PDE10A: variants seen among roughly 807,000 people sequenced by gnomAD.
PDE10A encodes the protein phosphodiesterase 10A, also known as cAMP and cAMP-inhibited cGMP 3',5'-cyclic phosphodiesterase 10A.
PDE10A carries 39 observed loss-of-function variants against 97.7 expected under a neutral mutation model. That is an observed-to-expected ratio of 0.40 (90% CI 0.31 to 0.52). The LOEUF (loss-of-function observed/expected upper bound fraction) is 0.52, where lower values mean the gene tolerates loss of function less well. PDE10A is among the 20% of genes least tolerant of loss of function. The probability of loss-of-function intolerance (pLI) is 0.56; values close to 1 mark genes in which losing one functional copy is unlikely to be tolerated. For missense variants in PDE10A, 731 were observed against 1,047.8 expected, an observed-to-expected ratio of 0.70 and a Z score of 4.17; for synonymous variants, 371 against 376.8, an observed-to-expected ratio of 0.98 and a Z score of 0.18.
At chr6:165,428,515 C>T (rs541360105) in intron 10 of PDE10A, 143 bp downstream of exon 10, 1 of 574,108 alleles carries the variant, frequency 1.7e-6, no homozygotes, top group African/African-American at 2.0e-5. Flanking sequence ...AAGTGACAAA[C>T]AGATCAAGGT....
At chr6:165,407,879 C>G (rs1787334665) in intron 13 of PDE10A, among the ~76,000 whole-genome samples, 1 of 152,062 alleles carries the variant, frequency 6.6e-6, no homozygotes, top group Non-Finnish European at 1.5e-5. Context: ...ATAGTACTTC[C>G]CAGTATGTTA....
chr6:165,923,961 G>C (rs2128488990), intron 1 of PDE10A, among the ~76,000 whole-genome samples: 1 of 152,326 alleles, frequency 6.6e-6, no homozygotes, highest in Admixed American at 6.5e-5. Context: ...CAGGAGGATT[G>C]CTGGAGGCCA....
At chr6:165,933,694 A>G (rs75267288) in intron 1 of PDE10A, among the ~76,000 whole-genome samples, 7,675 of 152,302 alleles carry the variant, frequency 0.05, 433 homozygotes, top group East Asian at 0.31. Flanking sequence ...CCCAAGTTTC[A>G]TAGAATATAC....
chr6:165,417,338 G>T (rs1030052279), intron 11 of PDE10A, among the ~76,000 whole-genome samples: 4 of 152,102 alleles, frequency 2.6e-5, no homozygotes, highest in Non-Finnish European at 5.9e-5. Context: ...GCGTTGGTCT[G>T]AGAGCAGTCT....
intron 2 of PDE10A, among the ~76,000 whole-genome samples, chr6:165,503,965 A>G (rs983529670): frequency 1.3e-5 from 2 of 152,254 alleles, no homozygotes; most frequent in African/African-American, 2.4e-5. Flanking sequence ...TTCCACAAAG[A>G]AAGCCAAAAT....
At chr6:165,941,243 T>G (rs1238469600) in intron 1 of PDE10A, among the ~76,000 whole-genome samples, 2 of 152,196 alleles carry the variant, frequency 1.3e-5, no homozygotes, top group African/African-American at 4.8e-5. Flanking sequence ...GAACGATGGT[T>G]GGCAGATGGG....
intron 1 of PDE10A, among the ~76,000 whole-genome samples, chr6:165,821,852 AT>A (rs989141152): frequency 4.6e-5 from 7 of 152,126 alleles, no homozygotes; most frequent in African/African-American, 1.7e-4. Context: ...ATTGTCTATA[AT>A]TTTTTGATAG....
chr6:165,420,998 T>C (rs1788654375), intron 10 of PDE10A, among the ~76,000 whole-genome samples: 1 of 152,056 alleles, frequency 6.6e-6, no homozygotes, highest in Non-Finnish European at 1.5e-5. Context: ...TTCAACCCAA[T>C]CAAATTTAGC....
intron 1 of PDE10A, among the ~76,000 whole-genome samples, chr6:165,596,892 T>C (rs1037545225): frequency 6.6e-6 from 1 of 152,192 alleles, no homozygotes; most frequent in South Asian, 2.1e-4. Context: ...CCTCCAAATA[T>C]GCCAGCCATA....
chr6:165,609,561 T>C (rs1191780198), intron 1 of PDE10A, among the ~76,000 whole-genome samples: 2 of 152,116 alleles, frequency 1.3e-5, no homozygotes, highest in African/African-American at 4.8e-5. Flanking sequence ...AAAGAGGAAG[T>C]CAAATTGTCC....
intron 1 of PDE10A, among the ~76,000 whole-genome samples, chr6:165,586,625 T>C (rs1341331630): frequency 2.6e-5 from 4 of 152,190 alleles, no homozygotes; most frequent in African/African-American, 9.7e-5. Context: ...CCCCTGAAGT[T>C]ATATAGAAAT....
At chr6:165,435,732 C>A (rs770419938) in intron 5 of PDE10A, among the ~76,000 whole-genome samples, 1 of 152,156 alleles carries the variant, frequency 6.6e-6, no homozygotes, top group Non-Finnish European at 1.5e-5. Flanking sequence ...CAGGGTCCAA[C>A]CTCCCTACAG....
At chr6:165,587,336 C>T (rs970210125) in intron 1 of PDE10A, among the ~76,000 whole-genome samples, 6 of 152,128 alleles carry the variant, frequency 3.9e-5, no homozygotes, top group African/African-American at 1.2e-4. Context: ...GAGAAAGTTA[C>T]GTACCAAAAC....
intron 1 of PDE10A, among the ~76,000 whole-genome samples, chr6:165,884,771 A>G (rs1246688750): frequency 6.6e-6 from 1 of 152,222 alleles, no homozygotes; most frequent in Non-Finnish European, 1.5e-5. Context: ...GATAACAACC[A>G]CAATAATGGG....
chr6:165,693,253 G>A (rs4709966), intron 1 of PDE10A, among the ~76,000 whole-genome samples: 11,919 of 152,074 alleles, frequency 0.078, 731 homozygotes, highest in East Asian at 0.26. Flanking sequence ...CACTGAGGCC[G>A]GGCACGGTGG....
chr6:165,408,827 T>C (rs1210262727), intron 13 of PDE10A, among the ~76,000 whole-genome samples: 1 of 152,002 alleles, frequency 6.6e-6, no homozygotes, highest in East Asian at 1.9e-4. Flanking sequence ...ACTTCAAAAA[T>C]AATATAATTT....
chr6:165,816,782 C>A (rs1335774537), intron 1 of PDE10A, among the ~76,000 whole-genome samples: 1 of 152,110 alleles, frequency 6.6e-6, no homozygotes, highest in African/African-American at 2.4e-5. Flanking sequence ...GAGGAAGATG[C>A]ATCTCTTGGC....
At chr6:165,757,601 G>A (rs1293218058) in intron 1 of PDE10A, among the ~76,000 whole-genome samples, 1 of 151,984 alleles carries the variant, frequency 6.6e-6, no homozygotes, top group Non-Finnish European at 1.5e-5. Flanking sequence ...ACACTAATAT[G>A]CATTTATTAA....
At chr6:165,894,538 A>G in intron 1 of PDE10A, 1 of 456,042 alleles carries the variant, frequency 2.2e-6, no homozygotes, top group Non-Finnish European at 4.4e-6. Context: ...AATAGACCAC[A>G]AACTCAACGG....
Sources: gnomAD v4.1 joint callset for allele counts (sites outside exome capture counted in the v4.1 genomes callset) on GRCh38, gnomAD v4.1.1 for gene constraint, MANE v1.5 for transcripts, NCBI Gene and HGNC (gene_info 2026-07-23, HGNC 2026-07-21) for gene names.